MYO1D: variants seen among roughly 807,000 people sequenced by gnomAD.
The protein encoded by MYO1D is unconventional myosin-Id.
In MYO1D, 83 loss-of-function variants were observed where a neutral mutation model predicts 122.0. The observed-to-expected ratio is 0.68, with a 90% confidence interval of 0.57 to 0.82. The LOEUF (loss-of-function observed/expected upper bound fraction) is 0.82. Ranked by LOEUF, MYO1D falls within the 40% of genes least tolerant of loss-of-function variation. The probability of loss-of-function intolerance (pLI) is 0.00; values close to 1 mark genes in which losing one functional copy is unlikely to be tolerated. For missense variants in MYO1D, 1,157 were observed against 1,269.5 expected, an observed-to-expected ratio of 0.91 and a Z score of 1.35; for synonymous variants, 464 against 446.9, an observed-to-expected ratio of 1.04 and a Z score of -0.48.
rs905740616 is a variant in MYO1D at position 32,679,132 on chromosome 17, T to G, written c.2122-19794A>C. Among the ~76,000 whole-genome samples the G allele has an allele frequency of 4.3e-4, 66 of 152,256 alleles. 1 individual carries two copies. Among genetic ancestry groups the G allele is most frequent in the African/African-American group, 1.4e-3 (57 of 41,496 alleles). ...TTTGTGTTTTTCTTGTAAATTTGTT[T>G]GAGTTCAATGTAGATTCTGGATATT... On this transcript the variant is annotated intron_variant, in intron 16 of 21. Coordinates refer to ENST00000318217, the MANE Select transcript of MYO1D (RefSeq NM_015194.3).
chr17:32,586,325 C>T (rs2087386824), intron 21 of MYO1D, among the ~76,000 whole-genome samples: 1 of 152,172 alleles, frequency 6.6e-6, no homozygotes, highest in South Asian at 2.1e-4. Flanking sequence ...CTAGTGTTGC[C>T]TATAACTGAA....
intron 1 of MYO1D, among the ~76,000 whole-genome samples, chr17:32,874,630 T>G (rs1247520397): frequency 6.6e-6 from 1 of 152,118 alleles, no homozygotes; most frequent in African/African-American, 2.4e-5. Context: ...TAGAATTAAA[T>G]TGCAGCATTC....
At chr17:32,774,621 G>A (rs1300880752) in intron 4 of MYO1D, among the ~76,000 whole-genome samples, 1 of 152,144 alleles carries the variant, frequency 6.6e-6, no homozygotes, top group African/African-American at 2.4e-5. Context: ...TGTTAGGAGA[G>A]GGTTCAAAAT....
At chr17:32,714,052 T>C (rs775639603) in intron 15 of MYO1D, among the ~76,000 whole-genome samples, 9 of 152,130 alleles carry the variant, frequency 5.9e-5, no homozygotes, top group South Asian at 2.1e-4. Flanking sequence ...TTCTTTCTTT[T>C]TTTTTTTTAA....
chr17:32,859,941 A>T (rs568257788), intron 1 of MYO1D, among the ~76,000 whole-genome samples: 1 of 152,202 alleles, frequency 6.6e-6, no homozygotes, highest in East Asian at 1.9e-4. Context: ...ATCTATCATC[A>T]GCGCCTGACT....
chr17:32,563,595 T>C (rs2087146657), intron 21 of MYO1D, among the ~76,000 whole-genome samples: 4 of 152,070 alleles, frequency 2.6e-5, no homozygotes, highest in African/African-American at 9.7e-5. Context: ...AGCACCTGCA[T>C]CTTAACGTCA....
chr17:32,741,241 A>G (rs1010190091), intron 13 of MYO1D, among the ~76,000 whole-genome samples: 2 of 150,616 alleles, frequency 1.3e-5, no homozygotes, highest in African/African-American at 4.9e-5. Context: ...AAAAAAAAAA[A>G]GAAAAGAAAA....
chr17:32,717,100 G>T (rs1402602010), intron 15 of MYO1D, among the ~76,000 whole-genome samples: 42 of 152,106 alleles, frequency 2.8e-4, no homozygotes, highest in Non-Finnish European at 5.9e-5. Context: ...ATCATCACTG[G>T]ATGAGCCACA....
intron 1 of MYO1D, among the ~76,000 whole-genome samples, chr17:32,832,736 T>G (rs763224189): frequency 1.6e-4 from 25 of 152,294 alleles, no homozygotes; most frequent in Middle Eastern, 6.8e-3. Context: ...CCAATTTTAT[T>G]GACGTGAGAA....
intron 11 of MYO1D, among the ~76,000 whole-genome samples, chr17:32,752,157 G>A (rs1220080416): frequency 6.6e-6 from 1 of 152,130 alleles, no homozygotes; most frequent in Admixed American, 6.5e-5. Context: ...TGACAAAGTT[G>A]ACAAAAATAA....
intron 21 of MYO1D, among the ~76,000 whole-genome samples, chr17:32,592,744 C>A (rs1277755006): frequency 6.6e-6 from 1 of 151,516 alleles, no homozygotes. Flanking sequence ...TAAAGTACAA[C>A]AATGTAGGGG....
chr17:32,523,170 A>G (rs1415673242), intron 21 of MYO1D, among the ~76,000 whole-genome samples: 1 of 152,136 alleles, frequency 6.6e-6, no homozygotes, highest in Admixed American at 6.5e-5. Context: ...CCTGCCTACC[A>G]CATGGGAGGA....
At position 32,605,108 on chromosome 17, in the gene MYO1D, A is replaced by G; in HGVS notation, c.2843T>C (p.Val948Ala). The change falls in exon 21 of 22, where the codon GTG becomes GCG. Residue 948 changes from valine to alanine, a missense_variant. Transcript: ENST00000318217. ...HESRIGELVGVLVNHFKSEKR... is the reference protein window; with the variant it reads ...HESRIGELVGALVNHFKSEKR... ...TTACCTCTTGAAATGATTCACCAGC[A>G]CTCCAACAAGTTCTCCAATTCGACT... The G allele has an allele frequency of 6.3e-7, 1 of 1,598,354 alleles. No homozygotes were observed. Among genetic ancestry groups the G allele is most frequent in the Non-Finnish European group, 8.6e-7 (1 of 1,168,052 alleles).
At chr17:32,843,821 T>C (rs936604034) in intron 1 of MYO1D, among the ~76,000 whole-genome samples, 1 of 152,204 alleles carries the variant, frequency 6.6e-6, no homozygotes, top group African/African-American at 2.4e-5. Flanking sequence ...TCCAAATGAA[T>C]ATGGCAATAC....
At chr17:32,786,377 TC>T (rs2090294035) in intron 1 of MYO1D, among the ~76,000 whole-genome samples, 1 of 152,212 alleles carries the variant, frequency 6.6e-6, no homozygotes, top group Non-Finnish European at 1.5e-5. Context: ...CCCAGAAGTC[TC>T]AGACATACAT....
chr17:32,679,021 AT>A (rs1243208997), intron 16 of MYO1D, among the ~76,000 whole-genome samples: 1 of 149,866 alleles, frequency 6.7e-6, no homozygotes, highest in Non-Finnish European at 1.5e-5. Flanking sequence ...GATGATGAGC[AT>A]TTTTTCATGT....
At chr17:32,551,859 GAATA>G (rs2087018376) in intron 21 of MYO1D, among the ~76,000 whole-genome samples, 1 of 152,112 alleles carries the variant, frequency 6.6e-6, no homozygotes, top group African/African-American at 2.4e-5. Context: ...TTTCTTGATT[GAATA>G]AATATTTTCA....
chr17:32,495,385 T>G (rs548692365), intron 21 of MYO1D, among the ~76,000 whole-genome samples: 1 of 152,358 alleles, frequency 6.6e-6, no homozygotes, highest in South Asian at 2.1e-4. Flanking sequence ...TGGGCCTGAC[T>G]TGGGTTTCCC....
chr17:32,604,711 T>C (rs1315488968), intron 21 of MYO1D, among the ~76,000 whole-genome samples: 1 of 152,242 alleles, frequency 6.6e-6, no homozygotes, highest in African/African-American at 2.4e-5. Flanking sequence ...GCCTTCTAAT[T>C]TGCTTATGGT....
Sources: gnomAD v4.1 joint callset for allele counts (sites outside exome capture counted in the v4.1 genomes callset) on GRCh38, gnomAD v4.1.1 for gene constraint, MANE v1.5 for transcripts, NCBI Gene and HGNC (gene_info 2026-07-23, HGNC 2026-07-21) for gene names.